Variants in CCSER1 observed in about 807,000 individuals in gnomAD.
The protein encoded by CCSER1 is serine-rich coiled-coil domain-containing protein 1.
A neutral mutation model predicts 82.0 loss-of-function variants in CCSER1; 41 were observed. The observed-to-expected ratio is 0.50, with a 90% confidence interval of 0.39 to 0.65. The LOEUF (loss-of-function observed/expected upper bound fraction) is 0.65. CCSER1 is among the 30% of genes least tolerant of loss of function. The probability of loss-of-function intolerance (pLI) is 0.00; values close to 1 mark genes in which losing one functional copy is unlikely to be tolerated. For missense variants in CCSER1, 1,119 were observed against 1,064.2 expected (o/e 1.05, Z -0.72); for synonymous variants, 414 against 383.9 (o/e 1.08, Z -0.92).
intron 10 of CCSER1, among the ~76,000 whole-genome samples, chr4:91,123,402 G>A (rs1457086508): frequency 1.3e-5 from 2 of 151,594 alleles, no homozygotes; most frequent in East Asian, 3.9e-4. Context: ...GAGAAAATTA[G>A]TGTAGTAGTT....
rs575689138 is a variant in CCSER1, at chr4:91,161,280, G to A, written c.2217+75286G>A. Reference sequence around the variant, plus strand: ...GGTCTATATCTCTGTTTTGGTACTAGTACCCTGCTGTTTTGATTACTGTAG... The same window carrying A: ...GGTCTATATCTCTGTTTTGGTACTAATACCCTGCTGTTTTGATTACTGTAG... On this transcript the variant is annotated intron_variant, in intron 10 of 10. Transcript: ENST00000509176. Among the ~76,000 whole-genome samples the A allele has an allele frequency of 3.5e-4, 54 of 152,256 alleles. 1 individual carries two copies. In the South Asian group the frequency reaches 0.011, roughly 31 times the overall value.
intron 10 of CCSER1, among the ~76,000 whole-genome samples, chr4:91,568,745 T>G (rs1434825828): frequency 6.6e-6 from 1 of 152,184 alleles, no homozygotes; most frequent in African/African-American, 2.4e-5. Context: ...GCTCCTATAT[T>G]CTTAGTTCTG....
chr4:90,336,528 T>G (rs892407978), intron 3 of CCSER1, among the ~76,000 whole-genome samples: 3 of 152,198 alleles, frequency 2.0e-5, no homozygotes, highest in Non-Finnish European at 4.4e-5. Flanking sequence ...TAAGTAAGAA[T>G]GGTTTAAGTA....
At chr4:90,781,707 A>G (rs1304157603) in intron 7 of CCSER1, 1 of 970,802 alleles carries the variant, frequency 1.0e-6, no homozygotes, top group Non-Finnish European at 1.2e-6. Context: ...AAATATCTGC[A>G]ATTTTCCCAG....
intron 3 of CCSER1, among the ~76,000 whole-genome samples, chr4:90,375,253 A>G (rs1309321353): frequency 6.6e-6 from 1 of 152,208 alleles, no homozygotes; most frequent in Non-Finnish European, 1.5e-5. Flanking sequence ...AATAGTCCAC[A>G]TGAACCAAAA....
intron 6 of CCSER1, among the ~76,000 whole-genome samples, chr4:90,669,167 T>C (rs1732338049): frequency 1.3e-5 from 2 of 151,932 alleles, no homozygotes; most frequent in African/African-American, 2.4e-5. Flanking sequence ...AAATAGAAAA[T>C]ATTGGAAGGA....
intron 10 of CCSER1, among the ~76,000 whole-genome samples, chr4:91,140,835 G>C (rs904764914): frequency 3.9e-5 from 6 of 151,950 alleles, no homozygotes; most frequent in African/African-American, 1.4e-4. Context: ...TTGGCTTCAG[G>C]GGGTACTTGT....
intron 9 of CCSER1, among the ~76,000 whole-genome samples, chr4:90,957,253 C>A (rs151242297): frequency 2.1e-5 from 3 of 146,142 alleles, no homozygotes; most frequent in Admixed American, 7.0e-5. Flanking sequence ...AGGCCCCCCC[C>A]ACCACGTCCA....
At chr4:90,655,900 G>C (rs1428182645) in intron 6 of CCSER1, among the ~76,000 whole-genome samples, 3 of 151,838 alleles carry the variant, frequency 2.0e-5, no homozygotes, top group Admixed American at 1.3e-4. Flanking sequence ...AGGTATAGGA[G>C]AGTAAAAATC....
intron 10 of CCSER1, among the ~76,000 whole-genome samples, chr4:91,378,878 G>A (rs1412233164): frequency 6.6e-6 from 1 of 152,078 alleles, no homozygotes; most frequent in Non-Finnish European, 1.5e-5. Context: ...TATGATATTG[G>A]CTGTGGGTTT....
chr4:91,332,218 T>C (rs544184918), intron 10 of CCSER1, among the ~76,000 whole-genome samples: 1 of 152,116 alleles, frequency 6.6e-6, no homozygotes, highest in African/African-American at 2.4e-5. Flanking sequence ...TATAGCATAA[T>C]TGAAAAATTC....
intron 8 of CCSER1, among the ~76,000 whole-genome samples, chr4:90,865,276 TGA>T (rs1353855334): frequency 1.3e-5 from 2 of 152,164 alleles, no homozygotes; most frequent in East Asian, 3.9e-4. Context: ...GCTATAGTCA[TGA>T]ATAAGGATCA....
intron 5 of CCSER1, among the ~76,000 whole-genome samples, chr4:90,623,705 G>A (rs1015194642): frequency 2.0e-5 from 3 of 152,076 alleles, no homozygotes; most frequent in Non-Finnish European, 2.9e-5. Flanking sequence ...CTGGAAATAC[G>A]ATGAAACATT....
At chr4:90,667,151 A>G (rs753501765) in intron 6 of CCSER1, among the ~76,000 whole-genome samples, 1 of 152,092 alleles carries the variant, frequency 6.6e-6, no homozygotes, top group Non-Finnish European at 1.5e-5. Flanking sequence ...AGTACACCAT[A>G]GTGGTTAGGA....
At position 90,468,295 on chromosome 4, in the gene CCSER1, G is replaced by A; in HGVS notation, c.1665G>A (p.Met555Ile). 6.2e-7 allele frequency: 1 copy of A among 1,608,892 alleles called. No individual in the cohort carries two copies. The highest frequency in any genetic ancestry group is 1.3e-5 in the African/African-American group (1 of 74,892). The change falls in exon 5 of 11, where the codon ATG (methionine) becomes ATA (isoleucine). Residue 555 changes from methionine (M) to isoleucine (I), a missense_variant. Coordinates refer to ENST00000509176, the MANE Select transcript of CCSER1 (RefSeq NM_001145065.2). ...GTGCCGCAGTAGTTCTTACTCCTAT[G>A]GAACCAATGATAGAAATGAAGAAAA... ...VSCAAVVLTP[M>I]EPMIEMKKRE... is the part of the protein sequence containing the mutation.
intron 7 of CCSER1, chr4:90,780,536 G>A: frequency 1.9e-6 from 3 of 1,584,876 alleles, no homozygotes; most frequent in Non-Finnish European, 2.6e-6. Flanking sequence ...TTATTCAAAA[G>A]TTGAAGATGA....
rs1768775401 is a variant in CCSER1, at chr4:90,495,088, A to G, written c.1724+26734A>G. On this transcript the variant is annotated intron_variant, in intron 5 of 10. Transcript: ENST00000509176. ...TGCAAATTTACTACCTTTTAAAATG[A>G]CTTGAATCTTCTCTATTTTCACAGT... Among the ~76,000 whole-genome samples, 4 of 152,228 alleles carry G rather than the reference A, an allele frequency of 2.6e-5. No homozygotes were observed. In the South Asian group the frequency reaches 8.3e-4, roughly 32 times the overall value.
chr4:91,277,259 T>C (rs1441773773), intron 10 of CCSER1, among the ~76,000 whole-genome samples: 1 of 152,048 alleles, frequency 6.6e-6, no homozygotes, highest in African/African-American at 2.4e-5. Flanking sequence ...ATTTCACCAG[T>C]GAAGCTATTG....
At chr4:90,661,556 C>T (rs1037871670) in intron 6 of CCSER1, among the ~76,000 whole-genome samples, 3 of 151,998 alleles carry the variant, frequency 2.0e-5, no homozygotes, top group Non-Finnish European at 2.9e-5. Flanking sequence ...CAATATGCAG[C>T]GAAATGTTTA....
Sources: gnomAD v4.1 joint callset for allele counts (sites outside exome capture counted in the v4.1 genomes callset) on GRCh38, gnomAD v4.1.1 for gene constraint, MANE v1.5 for transcripts, NCBI Gene and HGNC (gene_info 2026-07-23, HGNC 2026-07-21) for gene names.